TBC1D13: variants seen among roughly 807,000 people sequenced by gnomAD.
TBC1D13 encodes the protein epididymis secretory sperm binding protein.
In TBC1D13, 40 loss-of-function variants were observed where a neutral mutation model predicts 53.6. That is an observed-to-expected ratio of 0.75 (90% CI 0.58 to 0.97). TBC1D13 has a LOEUF of 0.97. Ranked by LOEUF, TBC1D13 falls within the 50% of genes least tolerant of loss-of-function variation. The probability of loss-of-function intolerance (pLI) is 0.00; values close to 1 mark genes in which losing one functional copy is unlikely to be tolerated. For synonymous variants in TBC1D13, 182 were observed against 197.7 expected, an observed-to-expected ratio of 0.92 and a Z score of 0.67; for missense variants, 377 against 499.4, an observed-to-expected ratio of 0.75 and a Z score of 2.34.
rs1373267058 is a variant in TBC1D13 at position 128,809,585 on chromosome 9, CTATT to C, written c.*1711_*1714del. ...GAGCACAGTATTTGGGAGACTTTGA[CTATT>C]TATTCAGACTCCTGGCTATGTATTG... On this transcript the variant is annotated 3_prime_UTR_variant, in exon 12 of 12. Coordinates refer to ENST00000372648, the MANE Select transcript of TBC1D13 (RefSeq NM_018201.5). 2 of 152,362 alleles carry C rather than the reference CTATT, an allele frequency of 1.3e-5. No homozygotes were observed. Among genetic ancestry groups the C allele is most frequent in the South Asian group, 2.1e-4 (1 of 4,828 alleles). 9.4% of individuals were successfully genotyped at this position (152,362 alleles called of 1,614,324 possible).
intron 9 of TBC1D13, 123 bp from the exon 10 acceptor site, chr9:128,805,735 TG>T: frequency 9.0e-7 from 1 of 1,114,016 alleles, no homozygotes; most frequent in Non-Finnish European, 1.3e-6. Flanking sequence ...GTGCCAGCCC[TG>T]GTGCTCACAC....
chr9:128,804,874 G>A (rs1243930239), intron 9 of TBC1D13, among the ~76,000 whole-genome samples: 4 of 151,774 alleles, frequency 2.6e-5, no homozygotes, highest in Admixed American at 6.6e-5. Flanking sequence ...GATTACAGGC[G>A]TGCGTTACCA....
At position 128,808,157 on chromosome 9, in the gene TBC1D13, TG is replaced by T; in HGVS notation, c.*281del. ...CCTGGGCCAGGGCCGTTTCTGGCAC[TG>T]GGAGGCTGGCAGGGGCCCCTCCCTG... On this transcript the variant is annotated 3_prime_UTR_variant, in exon 12 of 12. Transcript: ENST00000372648. 3 of 440,880 alleles carry T rather than the reference TG, an allele frequency of 6.8e-6. No homozygotes were observed. In the South Asian group the frequency reaches 8.3e-5, roughly 12 times the overall value. 27.3% of individuals were successfully genotyped at this position (440,880 alleles called of 1,614,324 possible). A position where few individuals can be genotyped will look rare whatever the true frequency, so the allele number is the denominator to read the frequency against.
At chr9:128,791,523 C>A in intron 4 of TBC1D13, 71 bp from the exon 5 acceptor site, 1 of 1,606,934 alleles carries the variant, frequency 6.2e-7, no homozygotes. Context: ...CTGCCTCCTG[C>A]GGCTGCTGCT....
At chr9:128,787,611 G>A (rs1225630572) in intron 1 of TBC1D13, among the ~76,000 whole-genome samples, 3 of 151,542 alleles carry the variant, frequency 2.0e-5, no homozygotes, top group Non-Finnish European at 4.4e-5. Flanking sequence ...GACCCCTGGT[G>A]TCCCCCTTCC....
At chr9:128,795,437 CTTTTTTTTTTTTTTTTTTTTTTTT>C (rs539392878) in intron 6 of TBC1D13, among the ~76,000 whole-genome samples, 7 of 57,824 alleles carry the variant, frequency 1.2e-4, no homozygotes, top group Non-Finnish European at 2.1e-4. Context: ...TGGTCACCAT[CTTTTTTTTTTTTTTTTTTTTTTTT>C]TTTTTTTTTT....
chr9:128,790,610 G>C, intron 2 of TBC1D13, 125 bp from the exon 3 acceptor site: 1 of 840,492 alleles, frequency 1.2e-6, no homozygotes, highest in South Asian at 2.1e-5. Context: ...CATCTTTCTT[G>C]GGGAAATGAT....
intron 6 of TBC1D13, among the ~76,000 whole-genome samples, chr9:128,793,647 G>A (rs1281043114): frequency 6.6e-6 from 1 of 152,216 alleles, no homozygotes; most frequent in African/African-American, 2.4e-5. Flanking sequence ...ACTTACAGAG[G>A]CCCTTAGAAT....
chr9:128,804,059 C>A lies in TBC1D13; in HGVS notation c.858C>A (p.Tyr286Ter). The change falls in exon 9 of 12, where the codon TAC (tyrosine) becomes TAA (stop). Residue 286 changes from tyrosine to a stop codon, truncating the protein, a stop_gained. Coordinates refer to ENST00000372648, the MANE Select transcript of TBC1D13 (RefSeq NM_018201.5). LOFTEE classifies it high-confidence loss of function. Reference protein sequence around the residue: ...SLDDSQCGITYKMEKVYSTLK... With the variant: ...SLDDSQCGIT ...ATGACTCGCAGTGTGGCATCACCTA[C>A]AAGATGGAGAAGGTTTACTCCACCT... The A allele has an allele frequency of 6.2e-7, 1 of 1,614,130 alleles. No individual in the cohort carries two copies. Among genetic ancestry groups the A allele is most frequent in the Non-Finnish European group, 8.5e-7 (1 of 1,180,032 alleles).
intron 6 of TBC1D13, 100 bp downstream of exon 6, chr9:128,792,674 T>A: frequency 3.8e-6 from 4 of 1,058,354 alleles, no homozygotes; most frequent in Admixed American, 2.1e-5. Flanking sequence ...TGGGTGAGTG[T>A]TTGCGGAGCT....
At position 128,789,812 on chromosome 9, in the gene TBC1D13, T is replaced by TATATATATATATATGTATGTATGTATAA. The variant is rs11269563; in HGVS notation, c.98-922_98-921insTATATATATATATGTATGTATGTATAAA. 106 of 132,390 alleles carry TATATATATATATATGTATGTATGTATAA rather than the reference T, an allele frequency of 8.0e-4. 5 individuals are homozygous for TATATATATATATATGTATGTATGTATAA. The highest frequency in any genetic ancestry group is 3.1e-3 in the African/African-American group (103 of 33,704). The allele number at this position is 132,390 out of a possible 1,614,324, so 8.2% of individuals were successfully genotyped here. On this transcript the variant is annotated intron_variant, in intron 2 of 11. Coordinates refer to ENST00000372648, the MANE Select transcript of TBC1D13 (RefSeq NM_018201.5). ...TACACCATATATATATATATATATATAATAATTCCACTTATGACAGATGCT... is the reference window on the plus strand; with the variant it reads ...TACACCATATATATATATATATATATATATATATATATATGTATGTATGTATAAAATAATTCCACTTATGACAGATGCT...
At position 128,788,447 on chromosome 9, in the gene TBC1D13, A is replaced by G. The variant is rs1319471215; in HGVS notation, c.97+40A>G. 3 of 1,586,298 alleles carry G rather than the reference A, an allele frequency of 1.9e-6. No individual in the cohort carries two copies. In the African/African-American group the frequency reaches 4.0e-5, roughly 21 times the overall value. Reference sequence around the variant, plus strand: ...TGTATTTTCACGGTTTCCCTACAGCAGCCCTGTGGCTAGAATACAGGGGGA... The same window carrying G: ...TGTATTTTCACGGTTTCCCTACAGCGGCCCTGTGGCTAGAATACAGGGGGA... On this transcript the variant is annotated intron_variant, in intron 2 of 11. Coordinates refer to ENST00000372648, the MANE Select transcript of TBC1D13 (RefSeq NM_018201.5).
intron 7 of TBC1D13, among the ~76,000 whole-genome samples, chr9:128,798,994 G>A (rs117158066): frequency 0.068 from 10,281 of 152,238 alleles, 411 homozygotes; most frequent in South Asian, 0.15. Context: ...GATAACAGGC[G>A]TGAGCCACCA....
rs780820258 is a variant in TBC1D13 at position 128,803,999 on chromosome 9, G to T, written c.798G>T (p.Met266Ile). 1 of 1,613,906 alleles carries T rather than the reference G, an allele frequency of 6.2e-7. No homozygotes were observed. Among genetic ancestry groups the T allele is most frequent in the East Asian group, 2.2e-5 (1 of 44,886 alleles). The change falls in exon 9 of 12, where the codon ATG becomes ATT. Residue 266 changes from methionine to isoleucine, a missense_variant. Physicochemically the swap from Met to Ile is conservative, Grantham distance 10. Transcript: ENST00000372648. ...ADTFFCFTNLMAEIRDNFIKS... is the reference protein window; with the variant it reads ...ADTFFCFTNLIAEIRDNFIKS... The stretch of plus-strand genomic sequence containing the variant: ...CCTTTTTCTGCTTCACCAACCTCAT[G>T]GCCGAGATCCGGGACAACTTTATCA...
intron 7 of TBC1D13, among the ~76,000 whole-genome samples, chr9:128,797,510 A>G (rs944205180): frequency 6.6e-6 from 1 of 152,166 alleles, no homozygotes; most frequent in African/African-American, 2.4e-5. Context: ...AAATGTGAGA[A>G]AATGTGATAG....
Position 128,797,183 on chromosome 9 carries a change from C to T in TBC1D13, c.512C>T (p.Thr171Met), listed in dbSNP as rs151259696. ...RVEQTTLKSQ[T>M]VARNRSGVTN... ...GAACAGACAACACTGAAATCTCAGACGGTGGCCCGGAACCGGAGTGGGGTC... is the reference window on the plus strand; with the variant it reads ...GAACAGACAACACTGAAATCTCAGATGGTGGCCCGGAACCGGAGTGGGGTC... Residue 171 changes from threonine to methionine, a missense_variant, in exon 7 of 12, where the codon ACG becomes ATG. By Grantham distance (81) the Thr-to-Met change is moderately conservative. Coordinates refer to ENST00000372648, the MANE Select transcript of TBC1D13 (RefSeq NM_018201.5). The T allele has an allele frequency of 6.6e-5, 106 of 1,613,948 alleles. No individual in the cohort carries two copies. Among genetic ancestry groups the T allele is most frequent in the Admixed American group, 2.7e-4 (16 of 59,974 alleles).
chr9:128,806,618 C>T (rs1282039842), intron 11 of TBC1D13, among the ~76,000 whole-genome samples: 1 of 152,072 alleles, frequency 6.6e-6, no homozygotes, highest in Non-Finnish European at 1.5e-5. Flanking sequence ...CATGCTCAGG[C>T]CCGGGGAAGG....
chr9:128,795,949 G>T (rs1829622080), intron 6 of TBC1D13, among the ~76,000 whole-genome samples: 1 of 151,938 alleles, frequency 6.6e-6, no homozygotes, highest in Non-Finnish European at 1.5e-5. Context: ...GAGTTAGGTT[G>T]TATGACCATA....
intron 9 of TBC1D13, 84 bp from the exon 10 acceptor site, chr9:128,805,775 T>C: frequency 6.9e-7 from 1 of 1,458,246 alleles, no homozygotes; most frequent in Non-Finnish European, 9.3e-7. Flanking sequence ...CTGTTCTGAA[T>C]TCACTTCTGA....
Sources: gnomAD v4.1 joint callset for allele counts (sites outside exome capture counted in the v4.1 genomes callset) on GRCh38, gnomAD v4.1.1 for gene constraint, MANE v1.5 for transcripts, NCBI Gene and HGNC (gene_info 2026-07-23, HGNC 2026-07-21) for gene names.